Variants in TMEM132D observed in about 807,000 individuals in gnomAD.
The protein encoded by TMEM132D is mature OL transmembrane protein.
In TMEM132D, 21 loss-of-function variants were observed where a neutral mutation model predicts 62.3. That is an observed-to-expected ratio of 0.34 (90% CI 0.24 to 0.49). The LOEUF is 0.49. Ranked by LOEUF, TMEM132D falls within the 20% of genes least tolerant of loss-of-function variation. TMEM132D has a pLI of 0.99. For missense variants in TMEM132D, 1,346 were observed against 1,402.8 expected, an observed-to-expected ratio of 0.96 and a Z score of 0.65; for synonymous variants, 621 against 575.6, an observed-to-expected ratio of 1.08 and a Z score of -1.13.
At chr12:129,397,469 C>A (rs1461515361) in intron 3 of TMEM132D, among the ~76,000 whole-genome samples, 1 of 152,148 alleles carries the variant, frequency 6.6e-6, no homozygotes, top group African/African-American at 2.4e-5. Context: ...TGAAATCTAG[C>A]TCTGGAAAGC....
chr12:129,612,262 G>A (rs1878797013), intron 2 of TMEM132D, among the ~76,000 whole-genome samples: 1 of 152,042 alleles, frequency 6.6e-6, no homozygotes, highest in African/African-American at 2.4e-5. Context: ...GTCCATCACT[G>A]CCTGCGGCTC....
chr12:129,131,327 C>A (rs1442044767), intron 5 of TMEM132D, among the ~76,000 whole-genome samples: 1 of 152,126 alleles, frequency 6.6e-6, no homozygotes, highest in Non-Finnish European at 1.5e-5. Context: ...AATTATCCGG[C>A]CAGGTATAGT....
At chr12:129,719,083 G>GA (rs59987335) in intron 1 of TMEM132D, among the ~76,000 whole-genome samples, 4,130 of 98,994 alleles carry the variant, frequency 0.042, 170 homozygotes, top group East Asian at 0.15. Flanking sequence ...CAAAAAAAAT[G>GA]AAAAAAAAAA....
chr12:129,368,935 C>T (rs991640671), intron 3 of TMEM132D, among the ~76,000 whole-genome samples: 6 of 152,322 alleles, frequency 3.9e-5, no homozygotes, highest in South Asian at 2.1e-4. Context: ...CCTGTTTCCT[C>T]GTTCCCACCT....
intron 4 of TMEM132D, among the ~76,000 whole-genome samples, chr12:129,335,107 G>T (rs1239422708): frequency 1.3e-5 from 2 of 150,248 alleles, no homozygotes; most frequent in African/African-American, 4.9e-5. Flanking sequence ...TTTGCTATAG[G>T]CTGGGTACTC....
intron 3 of TMEM132D, among the ~76,000 whole-genome samples, chr12:129,518,053 A>T (rs1875734305): frequency 6.6e-6 from 1 of 152,218 alleles, no homozygotes; most frequent in African/African-American, 2.4e-5. Flanking sequence ...TAACTACAAG[A>T]TCATCACAAG....
In TMEM132D at chr12:129,524,762, A is replaced by T. The variant is rs551684448; in HGVS notation, c.1115+6297T>A. 6.7e-4 allele frequency among the ~76,000 whole-genome samples: 101 copies of T among 151,810 alleles called. 2 individuals are homozygous for T. Among genetic ancestry groups the T allele is most frequent in the Non-Finnish European group, 7.4e-4 (50 of 67,908 alleles). On this transcript the variant is annotated intron_variant, in intron 3 of 8. Transcript: ENST00000422113. ...TTTTACAAATCCCCAGAAGGGTATA[A>T]GAGTTCTCTGTTCTTCCGGGAGGCG...
At chr12:129,566,003 C>A (rs968286561) in intron 2 of TMEM132D, among the ~76,000 whole-genome samples, 1 of 152,154 alleles carries the variant, frequency 6.6e-6, no homozygotes, top group African/African-American at 2.4e-5. Context: ...TGACAAAATG[C>A]GTATAGCACT....
chr12:129,744,960 C>T (rs1869729338), intron 1 of TMEM132D, among the ~76,000 whole-genome samples: 3 of 152,072 alleles, frequency 2.0e-5, no homozygotes, highest in Admixed American at 2.0e-4. Context: ...GGCGGTTTCC[C>T]CCATGCTGTT....
chr12:129,264,728 C>G (rs1290362353), intron 4 of TMEM132D, among the ~76,000 whole-genome samples: 1 of 152,210 alleles, frequency 6.6e-6, no homozygotes, highest in East Asian at 1.9e-4. Context: ...TGGAATACTA[C>G]TCAGCCATGA....
chr12:129,685,339 T>C (rs1473708666), intron 2 of TMEM132D, among the ~76,000 whole-genome samples: 1 of 152,210 alleles, frequency 6.6e-6, no homozygotes, highest in Non-Finnish European at 1.5e-5. Flanking sequence ...GTACACTGCA[T>C]TCCAGCCACT....
intron 3 of TMEM132D, among the ~76,000 whole-genome samples, chr12:129,475,489 A>G (rs1874228458): frequency 6.6e-6 from 1 of 152,272 alleles, no homozygotes; most frequent in Admixed American, 6.5e-5. Context: ...TAAAGGAGTC[A>G]GGTCTTCTTG....
At position 129,277,510 on chromosome 12, in the gene TMEM132D, C is replaced by T. The variant is rs933685210; in HGVS notation, c.1299+60124G>A. Among the ~76,000 whole-genome samples the T allele has an allele frequency of 7.2e-5, 11 of 152,128 alleles. No individual in the cohort carries two copies. The highest frequency in any genetic ancestry group is 1.2e-4 in the African/African-American group (5 of 41,410). On this transcript the variant is annotated intron_variant, in intron 4 of 8. Transcript: ENST00000422113. The surrounding 1 kb of genome is among the most constrained non-coding windows in gnomAD (Gnocchi z 4.2). ...ATTCTTTATCCCTTACTCATTGCTG[C>T]TATCAGGAATTTGAAAGAATTATTA...
At chr12:129,598,126 T>C (rs1347709353) in intron 2 of TMEM132D, among the ~76,000 whole-genome samples, 1 of 152,192 alleles carries the variant, frequency 6.6e-6, no homozygotes, top group East Asian at 1.9e-4. Context: ...AGGTGTAGAA[T>C]TCTAGCACAC....
intron 4 of TMEM132D, among the ~76,000 whole-genome samples, chr12:129,244,081 T>C (rs1043186891): frequency 6.6e-6 from 1 of 152,098 alleles, no homozygotes; most frequent in Non-Finnish European, 1.5e-5. Flanking sequence ...AATGAGCCCA[T>C]GAACAATGAA....
At chr12:129,817,645 GTCTGTAATA>G (rs1319508865) in intron 1 of TMEM132D, among the ~76,000 whole-genome samples, 1 of 144,596 alleles carries the variant, frequency 6.9e-6, no homozygotes, top group South Asian at 2.4e-4. Context: ...TGTGGGGTGT[GTCTGTAATA>G]TGGGGTGTGT....
At chr12:129,632,741 C>G (rs561318742) in intron 2 of TMEM132D, among the ~76,000 whole-genome samples, 1 of 152,340 alleles carries the variant, frequency 6.6e-6, no homozygotes, top group South Asian at 2.1e-4. Context: ...CGCACGAGCT[C>G]CCTCTCCGCA....
At chr12:129,483,820 C>G (rs1874498375) in intron 3 of TMEM132D, among the ~76,000 whole-genome samples, 1 of 152,230 alleles carries the variant, frequency 6.6e-6, no homozygotes, top group Non-Finnish European at 1.5e-5. Context: ...GTGTTTCATT[C>G]ACAAAATCCC....
At chr12:129,447,328 A>T (rs1266586380) in intron 3 of TMEM132D, among the ~76,000 whole-genome samples, 6 of 152,184 alleles carry the variant, frequency 3.9e-5, no homozygotes, top group Admixed American at 3.9e-4. Context: ...CATTCAATTC[A>T]CTTGCTTTCT....
Sources: allele counts gnomAD v4.1 joint callset (sites outside exome capture counted in the v4.1 genomes callset), GRCh38; gene constraint gnomAD v4.1.1; non-coding constraint Gnocchi (gnomAD v3.1); transcripts MANE v1.5; gene names NCBI Gene and HGNC (gene_info 2026-07-23, HGNC 2026-07-21).